Variants in STX10 observed in about 807,000 individuals in gnomAD.
The protein encoded by STX10 is syntaxin-10.
STX10 carries 35 observed loss-of-function variants against 34.1 expected under a neutral mutation model. That is an observed-to-expected ratio of 1.03 (90% CI 0.78 to 1.36). The LOEUF is 1.36. STX10 is among the 40% of genes most tolerant of loss of function. STX10 has a pLI of 0.00. For missense variants in STX10, 361 were observed against 335.5 expected (o/e 1.08, Z -0.59); for synonymous variants, 155 against 132.9 (o/e 1.17, Z -1.15).
Position 13,150,014 on chromosome 19 carries a change from G to GT in STX10, c.36-118dup. On this transcript the variant is annotated intron_variant, in intron 1 of 7. Coordinates refer to ENST00000587230, the MANE Select transcript of STX10 (RefSeq NM_003765.3). The surrounding 1 kb of genome is among the most constrained non-coding windows in gnomAD (Gnocchi z 4.0). ...TCCGGAGACCCCTATATACCCCTGCGTGCGCCTCCCACTCTGCACCCCGAC... is the reference window on the plus strand; with the variant it reads ...TCCGGAGACCCCTATATACCCCTGCGTTGCGCCTCCCACTCTGCACCCCGAC... The GT allele has an allele frequency of 7.2e-7, 1 of 1,388,708 alleles. No individual in the cohort carries two copies. Among genetic ancestry groups the GT allele is most frequent in the South Asian group, 1.2e-5 (1 of 80,674 alleles). 86.0% of individuals were successfully genotyped at this position (1,388,708 alleles called of 1,614,324 possible). A position where few individuals can be genotyped will look rare whatever the true frequency, so the allele number is the denominator to read the frequency against.
chr19:13,144,722 T>C (rs2304095), intron 6 of STX10, 42 bp downstream of exon 6: 1,110,701 of 1,612,380 alleles, frequency 0.69, 385,571 homozygotes, highest in East Asian at 0.86. Context: ...CACACCAGGG[T>C]GGCCGAGAGC....
chr19:13,144,218 G>T lies in STX10; in HGVS notation c.*192C>A. On this transcript the variant is annotated 3_prime_UTR_variant, in exon 8 of 8. Transcript: ENST00000587230. ...GTGCACTTGAGACAGGACCAGTGGT[G>T]GTGGTTCCAGCCCAGGGTCCTGAAG... The T allele has an allele frequency of 1.4e-6, 1 of 702,920 alleles. No individual in the cohort carries two copies. Among genetic ancestry groups the T allele is most frequent in the African/African-American group, 1.8e-5 (1 of 55,804 alleles). The allele number at this position is 702,920 out of a possible 1,614,324, so 43.5% of individuals were successfully genotyped here. A position where few individuals can be genotyped will look rare whatever the true frequency, so the allele number is the denominator to read the frequency against.
chr19:13,148,657 G>GCAA (rs1248787355), intron 4 of STX10, among the ~76,000 whole-genome samples: 1 of 152,032 alleles, frequency 6.6e-6, no homozygotes, highest in Admixed American at 6.6e-5. Flanking sequence ...TCCAGCCTGG[G>GCAA]CAACAGAACA....
At chr19:13,146,766 C>T (rs1020685436) in intron 4 of STX10, among the ~76,000 whole-genome samples, 4 of 152,058 alleles carry the variant, frequency 2.6e-5, no homozygotes, top group African/African-American at 9.7e-5. Flanking sequence ...GTCTCGAACG[C>T]CTGACCTCAG....
At chr19:13,146,441 G>T (rs913626285) in intron 4 of STX10, among the ~76,000 whole-genome samples, 5 of 152,070 alleles carry the variant, frequency 3.3e-5, no homozygotes, top group African/African-American at 9.7e-5. Context: ...CCCCATGTTG[G>T]CCAGGCTGGT....
In STX10 at chr19:13,144,840, C is replaced by A. The variant is rs143082692; in HGVS notation, c.502G>T (p.Glu168Ter). ...LIMDEQDQQLEMVSGSIQVLK... is the reference protein window; with the variant it reads ...LIMDEQDQQL ...ACCTGGATGCTCCCAGACACCATCTCCAGCTGTTGATCCTGTTCATCCATG... is the reference window on the plus strand; with the variant it reads ...ACCTGGATGCTCCCAGACACCATCTACAGCTGTTGATCCTGTTCATCCATG... Residue 168 changes from glutamate to a stop codon, truncating the protein, a stop_gained, in exon 6 of 8, where the codon GAG becomes TAG. Transcript: ENST00000587230. LOFTEE classifies it high-confidence loss of function. The A allele has an allele frequency of 7.1e-5, 114 of 1,613,854 alleles. No individual in the cohort carries two copies. Among genetic ancestry groups the A allele is most frequent in the Non-Finnish European group, 9.1e-5 (107 of 1,180,012 alleles).
chr19:13,144,259 A>C lies in STX10; in HGVS notation c.*151T>G. 4 of 1,049,572 alleles carry C rather than the reference A, an allele frequency of 3.8e-6. No homozygotes were observed. The highest frequency in any genetic ancestry group is 5.5e-6 in the Non-Finnish European group (4 of 732,648). The allele number at this position is 1,049,572 out of a possible 1,614,324, so 65.0% of individuals were successfully genotyped here. On this transcript the variant is annotated 3_prime_UTR_variant, in exon 8 of 8. Transcript: ENST00000587230. Reference sequence around the variant, plus strand: ...GGTCCTGAAGGGTCCCACTGGCTCTAGGGGAGAGCCATGGGGACAGCTCCC... The same window carrying C: ...GGTCCTGAAGGGTCCCACTGGCTCTCGGGGAGAGCCATGGGGACAGCTCCC...
rs1451579276 is a variant in STX10, at chr19:13,150,115, C to T, written c.35+24G>A. 6.2e-6 allele frequency: 7 copies of T among 1,133,980 alleles called. No individual in the cohort carries two copies. In the East Asian group the frequency reaches 1.5e-4, roughly 25 times the overall value. 70.2% of individuals were successfully genotyped at this position (1,133,980 alleles called of 1,614,324 possible). ...TGGCTTGGGTACAGAGCACCCTCCGCCCTCCCCCGTCGTTGTCACTCACCC... is the reference window on the plus strand; with the variant it reads ...TGGCTTGGGTACAGAGCACCCTCCGTCCTCCCCCGTCGTTGTCACTCACCC... On this transcript the variant is annotated intron_variant, in intron 1 of 7. Transcript: ENST00000587230. This position sits in a 1 kb window ranked among gnomAD's most constrained non-coding sequence, Gnocchi z 4.0.
rs764794343 is a variant in STX10 at position 13,144,781 on chromosome 19, C to G, written c.561G>C (p.Glu187Asp). ...GGCCTCACATGCCCTGCTCGTCCAG[C>G]TCTTCTCCAACGCGGCCGGACATGT... ...LKHMSGRVGEELDEQGIMLDA... is the reference protein window; with the variant it reads ...LKHMSGRVGEDLDEQGIMLDA... Residue 187 changes from glutamate (E) to aspartate (D), a missense_variant, in exon 6 of 8, where the codon GAG (glutamate) becomes GAC (aspartate). Transcript: ENST00000587230. 5 of 1,613,944 alleles carry G rather than the reference C, an allele frequency of 3.1e-6. No homozygotes were observed. The highest frequency in any genetic ancestry group is 3.4e-6 in the Non-Finnish European group (4 of 1,179,994).
Position 13,150,017 on chromosome 19 carries a change from C to A in STX10, c.36-120G>T. 1 of 1,366,538 alleles carries A rather than the reference C, an allele frequency of 7.3e-7. No individual in the cohort carries two copies. Among genetic ancestry groups the A allele is most frequent in the Non-Finnish European group, 1.0e-6 (1 of 983,990 alleles). The allele number at this position is 1,366,538 out of a possible 1,614,324, so 84.7% of individuals were successfully genotyped here. A position where few individuals can be genotyped will look rare whatever the true frequency, so the allele number is the denominator to read the frequency against. ...GGAGACCCCTATATACCCCTGCGTG[C>A]GCCTCCCACTCTGCACCCCGACGGC... On this transcript the variant is annotated intron_variant, in intron 1 of 7. Transcript: ENST00000587230. This position sits in a 1 kb window ranked among gnomAD's most constrained non-coding sequence, Gnocchi z 4.0.
At position 13,144,641 on chromosome 19, in the gene STX10, GT is replaced by G. The variant is rs1162791250; in HGVS notation, c.608del (p.Asp203AlafsTer20). 7.4e-6 allele frequency: 12 copies of G among 1,614,024 alleles called. No individual in the cohort carries two copies. The highest frequency in any genetic ancestry group is 1.0e-5 in the Non-Finnish European group (12 of 1,180,028). On this transcript the variant is annotated frameshift_variant, in exon 7 of 8. Transcript: ENST00000587230. LOFTEE classifies it high-confidence loss of function. Reference protein sequence around the residue: ...IMLDAFAQEMDHTQSRMDGVL... With the variant: ...IMLDAFAQEMXHTQSRMDGVL... Reference sequence around the variant, plus strand: ...CCCCGTCCATGCGGGACTGGGTGTGGTCCATCTCTTGGGCGAAGGCATCCAG... The same window carrying G: ...CCCCGTCCATGCGGGACTGGGTGTGGCCATCTCTTGGGCGAAGGCATCCAG...
intron 4 of STX10, among the ~76,000 whole-genome samples, chr19:13,147,893 C>CAAAAAA (rs1159793123): frequency 1.8e-5 from 1 of 54,624 alleles, no homozygotes; most frequent in Non-Finnish European, 3.3e-5. Flanking sequence ...CACTCCGTCT[C>CAAAAAA]AAAAAAAAAA....
chr19:13,147,725 C>T (rs1408546881), intron 4 of STX10, among the ~76,000 whole-genome samples: 1 of 151,592 alleles, frequency 6.6e-6, no homozygotes, highest in Non-Finnish European at 1.5e-5. Context: ...GTTGAAGCCC[C>T]GTCTCTACTA....
chr19:13,145,131 G>A (rs559612462), intron 5 of STX10, among the ~76,000 whole-genome samples, 157 bp downstream of exon 5: 4 of 152,034 alleles, frequency 2.6e-5, no homozygotes, highest in Non-Finnish European at 4.4e-5. Context: ...CCTGGGAGGC[G>A]GAGGTTGCAG....
At position 13,149,841 on chromosome 19, in the gene STX10, A is replaced by C. The variant is rs746120032; in HGVS notation, c.92T>G (p.Leu31Arg). The change falls in exon 2 of 8, where the codon CTC becomes CGC. Residue 31 changes from leucine (L) to arginine (R), a missense_variant. Leu to Arg is a moderately radical substitution (Grantham distance 102, BLOSUM62 -2). Coordinates refer to ENST00000587230, the MANE Select transcript of STX10 (RefSeq NM_003765.3). ...TCCGACCGCCGCGCTTTCCTGCAGG[A>C]GCTCGCACCAGCGCTGGTACAGCCC... ...ARGLYQRWCE[L>R]LQESAAVGRE... 1 of 1,612,850 alleles carries C rather than the reference A, an allele frequency of 6.2e-7. No homozygotes were observed. Among genetic ancestry groups the C allele is most frequent in the South Asian group, 1.1e-5 (1 of 91,012 alleles).
intron 4 of STX10, among the ~76,000 whole-genome samples, chr19:13,148,139 T>C (rs2019949249): frequency 6.7e-6 from 1 of 150,328 alleles, no homozygotes; most frequent in East Asian, 2.0e-4. Context: ...TTTGGAAGGC[T>C]GAGGCAGGCA....
intron 4 of STX10, among the ~76,000 whole-genome samples, chr19:13,148,053 A>C (rs2019944799): frequency 9.9e-6 from 1 of 101,498 alleles, no homozygotes; most frequent in Non-Finnish European, 1.8e-5. Flanking sequence ...ACAGAGTGAG[A>C]CTGCATCTCA....
Position 13,150,205 on chromosome 19 carries a change from C to A in STX10, c.-32G>T. On this transcript the variant is annotated 5_prime_UTR_variant, in exon 1 of 8. The change creates a new upstream start codon in the 5' untranslated region. Coordinates refer to ENST00000587230, the MANE Select transcript of STX10 (RefSeq NM_003765.3). This position sits in a 1 kb window ranked among gnomAD's most constrained non-coding sequence, Gnocchi z 4.0. Reference sequence around the variant, plus strand: ...CCCTTCCCCCCCAGGCCGAACCCCCCTCCCGGCCTGGGTTCGCGGGCTGGT... The same window carrying A: ...CCCTTCCCCCCCAGGCCGAACCCCCATCCCGGCCTGGGTTCGCGGGCTGGT... 1.1e-6 allele frequency: 1 copy of A among 886,034 alleles called. No homozygotes were observed. Among genetic ancestry groups the A allele is most frequent in the East Asian group, 2.7e-5 (1 of 37,338 alleles). 54.9% of individuals were successfully genotyped at this position (886,034 alleles called of 1,614,324 possible). A position where few individuals can be genotyped will look rare whatever the true frequency, so the allele number is the denominator to read the frequency against.
Position 13,149,652 on chromosome 19 carries a change from C to G in STX10, c.206-59G>C, listed in dbSNP as rs753744897. The G allele has an allele frequency of 6.8e-6, 11 of 1,608,836 alleles. No individual in the cohort carries two copies. The Admixed American group carries it at 1.7e-4, about 24-fold the overall frequency. On this transcript the variant is annotated intron_variant, in intron 2 of 7. Coordinates refer to ENST00000587230, the MANE Select transcript of STX10 (RefSeq NM_003765.3). ...AGATATCATCCCCGTCCCTAGGGGT[C>G]CAGCCCTACCCGAAGGTGGGCTGCC...
Sources: allele counts gnomAD v4.1 joint callset (sites outside exome capture counted in the v4.1 genomes callset), GRCh38; gene constraint gnomAD v4.1.1; non-coding constraint Gnocchi (gnomAD v3.1); transcripts MANE v1.5; gene names NCBI Gene and HGNC (gene_info 2026-07-23, HGNC 2026-07-21).